The following DDR2 variants were observed in gnomAD, a reference collection of about 807,000 sequenced individuals.
DDR2 encodes the protein discoidin domain receptor tyrosine kinase 2, also known as discoidin domain-containing receptor 2.
DDR2 carries 27 observed loss-of-function variants against 94.9 expected under a neutral mutation model. The ratio of observed to expected loss-of-function variants is 0.28; its 90% CI spans 0.21 to 0.39. The LOEUF is 0.39. Among genes scored for constraint, DDR2 ranks in the 10% least tolerant of loss-of-function variants. The probability of loss-of-function intolerance (pLI) is 1.00; values close to 1 mark genes in which losing one functional copy is unlikely to be tolerated. For missense variants in DDR2, 783 were observed against 1,076.0 expected (o/e 0.73, Z 3.81); for synonymous variants, 382 against 377.2 (o/e 1.01, Z -0.15).
intron 2 of DDR2, among the ~76,000 whole-genome samples, chr1:162,715,316 T>C (rs928000475): frequency 6.6e-6 from 1 of 152,168 alleles, no homozygotes; most frequent in African/African-American, 2.4e-5. Context: ...TGAGAAACTA[T>C]GATCATTTCT....
chr1:162,697,242 T>TA (rs56881437), intron 2 of DDR2, among the ~76,000 whole-genome samples: 27,421 of 151,318 alleles, frequency 0.18, 3,454 homozygotes, highest in African/African-American at 0.34. Flanking sequence ...TAGAGACACT[T>TA]AAAAAAAAAT....
At chr1:162,727,951 C>CTA (rs1553248660) in intron 3 of DDR2, among the ~76,000 whole-genome samples, 2 of 37,500 alleles carry the variant, frequency 5.3e-5, no homozygotes, top group Non-Finnish European at 2.0e-4. Context: ...GACAATCACA[C>CTA]TATATATATC....
chr1:162,677,227 C>T (rs1659174675), intron 2 of DDR2, among the ~76,000 whole-genome samples: 1 of 152,082 alleles, frequency 6.6e-6, no homozygotes, highest in Admixed American at 6.6e-5. Context: ...TTCTTTTCCT[C>T]CCTAAGGGTC....
chr1:162,712,485 A>G (rs1393336083), intron 2 of DDR2, among the ~76,000 whole-genome samples: 1 of 151,914 alleles, frequency 6.6e-6, no homozygotes, highest in East Asian at 1.9e-4. Flanking sequence ...TGTGGCTGCC[A>G]CACTCCTGTC....
intron 5 of DDR2, 87 bp from the exon 6 acceptor site, chr1:162,755,069 A>C: frequency 6.3e-7 from 1 of 1,575,758 alleles, no homozygotes; most frequent in Non-Finnish European, 8.7e-7. Flanking sequence ...AATTAAGAAG[A>C]GAGAGTCCAT....
In DDR2 at chr1:162,782,055, A is replaced by G. The variant is rs1451422332; in HGVS notation, c.*1809A>G. ...TGATCCTAGCAAATGTCCTTTCCCC[A>G]TAGTTGTCCTATGCCTTTGGGCTTT... is the stretch of plus-strand genomic sequence containing the variant. On this transcript the variant is annotated 3_prime_UTR_variant, in exon 18 of 18. Coordinates refer to ENST00000367921, the MANE Select transcript of DDR2 (RefSeq NM_006182.4). The G allele has an allele frequency of 6.6e-6, 1 of 152,200 alleles. No homozygotes were observed. The highest frequency in any genetic ancestry group is 1.9e-4 in the East Asian group (1 of 5,194). The allele number at this position is 152,200 out of a possible 1,614,324, so 9.4% of individuals were successfully genotyped here. A position where few individuals can be genotyped will look rare whatever the true frequency, so the allele number is the denominator to read the frequency against.
rs200020368 is a variant in DDR2, at chr1:162,656,859, G to GTTTTTTTT, written c.-28+1487_-28+1488insTTTTTTTT. ...TTTTTTTTTTTTTTTTATTTTTTTTGTTAACAGGGTTTTGCTCTGTCACCC... is the reference window on the plus strand; with the variant it reads ...TTTTTTTTTTTTTTTTATTTTTTTTGTTTTTTTTTTAACAGGGTTTTGCTCTGTCACCC... On this transcript the variant is annotated intron_variant, in intron 2 of 17. Coordinates refer to ENST00000367921, the MANE Select transcript of DDR2 (RefSeq NM_006182.4). Among the ~76,000 whole-genome samples, 6 of 107,208 alleles carry GTTTTTTTT rather than the reference G, an allele frequency of 5.6e-5. 2 individuals carry two copies. The highest frequency in any genetic ancestry group is 8.9e-5 in the Non-Finnish European group (5 of 56,212). 70.3% of individuals were successfully genotyped at this position (107,208 alleles called of 152,430 possible).
At chr1:162,739,765 T>C (rs1264894553) in intron 3 of DDR2, among the ~76,000 whole-genome samples, 5 of 152,250 alleles carry the variant, frequency 3.3e-5, no homozygotes, top group Non-Finnish European at 7.3e-5. Context: ...AGGAAATTAT[T>C]GCACTATTCC....
intron 2 of DDR2, among the ~76,000 whole-genome samples, chr1:162,692,606 C>T (rs1395466454): frequency 6.6e-6 from 1 of 152,240 alleles, no homozygotes; most frequent in Non-Finnish European, 1.5e-5. Context: ...ACTACATACC[C>T]ACTAAAGTGG....
At chr1:162,713,839 C>T (rs1661036683) in intron 2 of DDR2, among the ~76,000 whole-genome samples, 4 of 151,876 alleles carry the variant, frequency 2.6e-5, no homozygotes, top group Admixed American at 2.6e-4. Flanking sequence ...ACAAGTCTTT[C>T]TTTAGGGTAA....
chr1:162,755,010 G>A, intron 5 of DDR2, 146 bp from the exon 6 acceptor site: 5 of 1,423,142 alleles, frequency 3.5e-6, no homozygotes, highest in Non-Finnish European at 3.9e-6. Flanking sequence ...AGGCAGGGAA[G>A]GAATATCAAG....
At chr1:162,723,677 C>T (rs55729253) in intron 3 of DDR2, among the ~76,000 whole-genome samples, 5,593 of 152,224 alleles carry the variant, frequency 0.037, 132 homozygotes, top group South Asian at 0.071. Context: ...TGGCCTGTGA[C>T]AACTGTTTGT....
At chr1:162,637,711 C>T (rs975133885) in intron 1 of DDR2, among the ~76,000 whole-genome samples, 5 of 152,066 alleles carry the variant, frequency 3.3e-5, no homozygotes, top group Admixed American at 3.3e-4. Context: ...TTTTTCTGTG[C>T]ACTTAGTGCA....
intron 3 of DDR2, among the ~76,000 whole-genome samples, chr1:162,728,116 GATATAA>G (rs1558049947): frequency 7.7e-4 from 103 of 134,352 alleles, no homozygotes; most frequent in African/African-American, 2.7e-3. Context: ...TCTATATATA[GATATAA>G]TCACACTATA....
At chr1:162,665,263 G>A (rs1427765357) in intron 2 of DDR2, among the ~76,000 whole-genome samples, 1 of 152,216 alleles carries the variant, frequency 6.6e-6, no homozygotes, top group African/African-American at 2.4e-5. Context: ...ACATAAGGCT[G>A]TGTGATTTTG....
intron 5 of DDR2, 58 bp from the exon 6 acceptor site, chr1:162,755,098 A>T: frequency 6.2e-7 from 1 of 1,611,840 alleles, no homozygotes; most frequent in Non-Finnish European, 8.5e-7. Flanking sequence ...TGGTGGGGTG[A>T]AGAAAAGTGA....
intron 1 of DDR2, among the ~76,000 whole-genome samples, chr1:162,643,970 A>G (rs1348946248): frequency 6.6e-6 from 1 of 152,180 alleles, no homozygotes; most frequent in Non-Finnish European, 1.5e-5. Context: ...TTACCCGCAG[A>G]CTGTACATAA....
chr1:162,647,179 A>G (rs1657454683), intron 1 of DDR2, among the ~76,000 whole-genome samples: 1 of 152,230 alleles, frequency 6.6e-6, no homozygotes, highest in African/African-American at 2.4e-5. Flanking sequence ...GGTAGAAAGT[A>G]CAAATCTATC....
intron 3 of DDR2, among the ~76,000 whole-genome samples, chr1:162,750,225 A>C (rs1396440459): frequency 6.6e-6 from 1 of 152,190 alleles, no homozygotes; most frequent in African/African-American, 2.4e-5. Context: ...AGATGACATG[A>C]TTGTATATTT....
Sources: gnomAD v4.1 joint callset for allele counts (sites outside exome capture counted in the v4.1 genomes callset) on GRCh38, gnomAD v4.1.1 for gene constraint, MANE v1.5 for transcripts, NCBI Gene and HGNC (gene_info 2026-07-23, HGNC 2026-07-21) for gene names.